Variants in ELAVL4 observed in about 807,000 individuals in gnomAD.
ELAVL4 encodes ELAV-like protein 4.
In ELAVL4, 1 loss-of-function variant was observed where a neutral mutation model predicts 35.6. That is an observed-to-expected ratio of 0.03 (90% CI 0.01 to 0.13). The LOEUF (loss-of-function observed/expected upper bound fraction) is 0.13, where lower values mean the gene tolerates loss of function less well. Among genes scored for constraint, ELAVL4 ranks in the 10% least tolerant of loss-of-function variants. The pLI is 1.00. For missense variants in ELAVL4, 267 were observed against 464.9 expected, an observed-to-expected ratio of 0.57 and a Z score of 3.91; for synonymous variants, 156 against 171.0, an observed-to-expected ratio of 0.91 and a Z score of 0.69.
chr1:50,187,821 C>T (rs1034402495), intron 3 of ELAVL4, among the ~76,000 whole-genome samples: 12 of 152,176 alleles, frequency 7.9e-5, no homozygotes, highest in African/African-American at 2.4e-4. Flanking sequence ...TGAGGCTGGG[C>T]ATGGTGGCTC....
intron 1 of ELAVL4, among the ~76,000 whole-genome samples, chr1:50,126,572 T>G (rs1028083160): frequency 4.6e-5 from 7 of 152,166 alleles, no homozygotes; most frequent in African/African-American, 1.7e-4. Context: ...AGTTTTAGAA[T>G]GTAGACATAA....
intron 1 of ELAVL4, among the ~76,000 whole-genome samples, chr1:50,135,262 T>G (rs1399584736): frequency 7.2e-5 from 11 of 152,174 alleles, no homozygotes; most frequent in East Asian, 1.9e-4. Context: ...AAGCGCTATA[T>G]TCTCATTGTA....
At chr1:50,108,185 A>T (rs1393226004), upstream of ELAVL4, among the ~76,000 whole-genome samples, 1 of 152,216 alleles carries the variant, frequency 6.6e-6, no homozygotes, top group Non-Finnish European at 1.5e-5. Context: ...AAGCTCAGAC[A>T]GAAGGCAGAA....
chr1:50,140,493 T>G (rs548036188), intron 1 of ELAVL4, among the ~76,000 whole-genome samples: 1 of 152,370 alleles, frequency 6.6e-6, no homozygotes, highest in African/African-American at 2.4e-5. Flanking sequence ...TTCGTGCATT[T>G]AATATCTTTA....
chr1:50,087,405 G>A (rs1454798672), intron 1 of ELAVL4, among the ~76,000 whole-genome samples: 2 of 152,086 alleles, frequency 1.3e-5, no homozygotes, highest in African/African-American at 2.4e-5. Flanking sequence ...CTTCAGAGGT[G>A]TATAGTTTAC....
upstream of ELAVL4, chr1:50,103,855 G>T (rs1007621089): frequency 4.5e-6 from 7 of 1,547,206 alleles, no homozygotes; most frequent in Non-Finnish European, 6.1e-6. Context: ...AGCCGGAACA[G>T]GAGGAAAAGG....
At chr1:50,137,138 C>CA (rs928141643) in intron 1 of ELAVL4, among the ~76,000 whole-genome samples, 2 of 152,030 alleles carry the variant, frequency 1.3e-5, no homozygotes, top group Non-Finnish European at 1.5e-5. Context: ...TGAAGTATTC[C>CA]AAAAATGTCA....
At chr1:50,190,996 T>G (rs1292131859) in intron 3 of ELAVL4, among the ~76,000 whole-genome samples, 1 of 152,194 alleles carries the variant, frequency 6.6e-6, no homozygotes, top group Non-Finnish European at 1.5e-5. Context: ...AACCTTTGAT[T>G]AATCTCTCCC....
At chr1:50,102,800 T>C (rs2148515143), upstream of ELAVL4, among the ~76,000 whole-genome samples, 1 of 152,326 alleles carries the variant, frequency 6.6e-6, no homozygotes, top group Middle Eastern at 3.4e-3. Flanking sequence ...TCTTCAGAAA[T>C]CTCTGTGTGT....
At chr1:50,072,947 G>A (rs1406161620) in intron 1 of ELAVL4, among the ~76,000 whole-genome samples, 2 of 152,118 alleles carry the variant, frequency 1.3e-5, no homozygotes, top group African/African-American at 2.4e-5. Flanking sequence ...TAAACTCTTT[G>A]GGAGGAGAGA....
In ELAVL4 at chr1:50,109,016, C is replaced by G. The variant is rs1420426582; in HGVS notation, c.-174C>G. 3 of 905,796 alleles carry G rather than the reference C, an allele frequency of 3.3e-6. No individual in the cohort carries two copies. Among genetic ancestry groups the G allele is most frequent in the Non-Finnish European group, 3.9e-6 (3 of 761,410 alleles). The allele number at this position is 905,796 out of a possible 1,614,324, so 56.1% of individuals were successfully genotyped here. ...CTCCTTTTCTTTTTTTTCTTTCTCTCCCCCGCCCACCCCCCCAAAAATAAT... is the reference window on the plus strand; with the variant it reads ...CTCCTTTTCTTTTTTTTCTTTCTCTGCCCCGCCCACCCCCCCAAAAATAAT... On this transcript the variant is annotated 5_prime_UTR_variant, in exon 1 of 7. Coordinates refer to ENST00000371824, the MANE Select transcript of ELAVL4 (RefSeq NM_001144774.3).
chr1:50,088,930 C>CT (rs11421928), intron 1 of ELAVL4, among the ~76,000 whole-genome samples: 151,771 of 152,338 alleles, frequency 1, 75,605 homozygotes, highest in Middle Eastern at 1. Flanking sequence ...GTTGGTTTTA[C>CT]CAGGCTTGGC....
At chr1:50,092,409 G>A (rs371416238) in intron 1 of ELAVL4, among the ~76,000 whole-genome samples, 7 of 152,172 alleles carry the variant, frequency 4.6e-5, no homozygotes, top group Non-Finnish European at 7.3e-5. Context: ...GGCATGTTTC[G>A]GGATGGTTTT....
upstream of ELAVL4, among the ~76,000 whole-genome samples, chr1:50,101,094 G>A (rs1175678608): frequency 6.6e-6 from 1 of 151,980 alleles, no homozygotes; most frequent in African/African-American, 2.4e-5. Flanking sequence ...TTTCCCTAAG[G>A]AGATGTTCAG....
At position 50,109,184 on chromosome 1, in the gene ELAVL4, A is replaced by C. The variant is rs1666647417; in HGVS notation, c.-6A>C. On this transcript the variant is annotated 5_prime_UTR_variant, in exon 1 of 7. Transcript: ENST00000371824. ...GCTCTGCGAGACCCAATATTTGCCA[A>C]TAAGAATGGTTATGGTAGGTATGAC... 6.2e-7 allele frequency: 1 copy of C among 1,611,878 alleles called. No homozygotes were observed. The highest frequency in any genetic ancestry group is 8.5e-7 in the Non-Finnish European group (1 of 1,179,124).
chr1:50,102,754 T>C (rs1393288677), upstream of ELAVL4, among the ~76,000 whole-genome samples: 1 of 152,178 alleles, frequency 6.6e-6, no homozygotes, highest in Non-Finnish European at 1.5e-5. Context: ...TCATCTGAAC[T>C]GATATGAAGA....
chr1:50,088,460 T>C (rs1193041537), intron 1 of ELAVL4, among the ~76,000 whole-genome samples: 1 of 152,202 alleles, frequency 6.6e-6, no homozygotes, highest in Admixed American at 6.5e-5. Context: ...CAACTTTTCC[T>C]CGAGCATCTC....
chr1:50,156,747 G>A (rs911000278), intron 2 of ELAVL4, among the ~76,000 whole-genome samples: 1 of 152,124 alleles, frequency 6.6e-6, no homozygotes, highest in African/African-American at 2.4e-5. Flanking sequence ...CAAGCAAGTG[G>A]CCAAGCCGGC....
At chr1:50,197,264 G>C (rs1644114874) in intron 5 of ELAVL4, among the ~76,000 whole-genome samples, 165 bp from the exon 6 acceptor site, 1 of 152,216 alleles carries the variant, frequency 6.6e-6, no homozygotes, top group African/African-American at 2.4e-5. Context: ...ATTACTTGCA[G>C]TTAGAGACAG....
Sources: allele counts gnomAD v4.1 joint callset (sites outside exome capture counted in the v4.1 genomes callset), GRCh38; gene constraint gnomAD v4.1.1; transcripts MANE v1.5; gene names NCBI Gene and HGNC (gene_info 2026-07-23, HGNC 2026-07-21).